Variants in LILRB5 observed in about 807,000 individuals in gnomAD.
LILRB5 encodes leukocyte immunoglobulin like receptor B5.
In LILRB5, 61 loss-of-function variants were observed where a neutral mutation model predicts 68.4. The ratio of observed to expected loss-of-function variants is 0.89; its 90% confidence interval spans 0.73 to 1.10. LILRB5 has a LOEUF of 1.10. Ranked by LOEUF, LILRB5 falls within the 50% of genes least tolerant of loss-of-function variation. LILRB5 has a pLI of 0.00. For missense variants in LILRB5, 771 were observed against 751.6 expected (o/e 1.03, Z -0.30); for synonymous variants, 356 against 315.8 (o/e 1.13, Z -1.35).
chr19:54,252,753 C>T, intron 9 of LILRB5, 118 bp downstream of exon 9: 1 of 1,102,154 alleles, frequency 9.1e-7, no homozygotes, highest in Non-Finnish European at 1.3e-6. Context: ...CGATTTTTCA[C>T]CTGGGAATTT....
chr19:54,255,400 A>G lies in LILRB5; in HGVS notation c.838T>C (p.Phe280Leu). 6.2e-7 allele frequency: 1 copy of G among 1,614,106 alleles called. No individual in the cohort carries two copies. Among genetic ancestry groups the G allele is most frequent in the Non-Finnish European group, 8.5e-7 (1 of 1,180,012 alleles). Residue 280 changes from phenylalanine to leucine, a missense_variant, in exon 5 of 13, where the codon TTC becomes CTC. Physicochemically the swap from Phe to Leu is conservative, Grantham distance 22. Coordinates refer to ENST00000449561, the MANE Select transcript of LILRB5 (RefSeq NM_001081442.3). ...GAGCGGCTCACAGGGCCCAGGGTGA[A>G]GTTGGCCTGGGAGAGCCCAGCCTGG... ...QPQAGLSQANFTLGPVSRSHG... is the reference protein window; with the variant it reads ...QPQAGLSQANLTLGPVSRSHG...
At chr19:54,256,893 G>A in intron 2 of LILRB5, 68 bp downstream of exon 2, 1 of 1,612,484 alleles carries the variant, frequency 6.2e-7, no homozygotes, top group Non-Finnish European at 8.5e-7. Flanking sequence ...TCCACCCCCA[G>A]CTGCCCGGGG....
chr19:54,257,088 T>G, intron 1 of LILRB5, 72 bp downstream of exon 1: 2 of 1,613,904 alleles, frequency 1.2e-6, no homozygotes, highest in African/African-American at 1.3e-5. Flanking sequence ...GATTCTCTGA[T>G]AGACCAGAGC....
In LILRB5 at chr19:54,255,560, G is replaced by A; in HGVS notation, c.678C>T (p.Leu226=). 6.2e-7 allele frequency: 1 copy of A among 1,613,644 alleles called. No homozygotes were observed. Among genetic ancestry groups the A allele is most frequent in the Non-Finnish European group, 8.5e-7 (1 of 1,179,686 alleles). ...LVPGVSRKPS[L]LIPQGSVVAR... Reference sequence around the variant, plus strand: ...CCACGACAGAGCCCTGCGGGATCAGGAGGGAGGGCTTCCTAGACACGCCTG... The same window carrying A: ...CCACGACAGAGCCCTGCGGGATCAGAAGGGAGGGCTTCCTAGACACGCCTG... The change falls in exon 5 of 13, where the codon CTC becomes CTT. Residue 226 remains leucine, a synonymous_variant. Transcript: ENST00000449561.
chr19:54,254,397 C>T lies in LILRB5; in HGVS notation c.1274G>A (p.Ser425Asn), dbSNP rs1401527501. 2 of 1,585,922 alleles carry T rather than the reference C, an allele frequency of 1.3e-6. No individual in the cohort carries two copies. Among genetic ancestry groups the T allele is most frequent in the Admixed American group, 3.6e-5 (2 of 55,650 alleles). The part of the protein sequence containing the change: ...LVVSGPSGDP[S>N]LSPTGSTPTP... Reference sequence around the variant, plus strand: ...GGGGGTGGAGCCTGTAGGTGAGAGGCTGGGATCCCCAGAGGGTCCTGGGAA... The same window carrying T: ...GGGGGTGGAGCCTGTAGGTGAGAGGTTGGGATCCCCAGAGGGTCCTGGGAA... Residue 425 changes from serine to asparagine, a missense_variant, in exon 7 of 13, where the codon AGC becomes AAC. Coordinates refer to ENST00000449561, the MANE Select transcript of LILRB5 (RefSeq NM_001081442.3).
Position 54,252,967 on chromosome 19 carries a change from C to T in LILRB5, c.1378G>A (p.Val460Ile), listed in dbSNP as rs750857229. Residue 460 changes from valine to isoleucine, a missense_variant, in exon 9 of 13, where the codon GTT becomes ATT. Val to Ile is a conservative substitution (Grantham distance 29). Transcript: ENST00000449561. ...PQSGLGRHLG[V>I]VTGVSVAFVL... is the part of the protein sequence containing the mutation. ...AAGGCCACTGAGACCCCAGTCACAA[C>T]CCCCAGGTGCCTTCCCAGACCTTGA... 1.9e-5 allele frequency: 30 copies of T among 1,558,172 alleles called. No individual in the cohort carries two copies. Among genetic ancestry groups the T allele is most frequent in the Middle Eastern group, 1.7e-4 (1 of 5,806 alleles).
At chr19:54,252,279 C>T (rs72087) in intron 11 of LILRB5, 87 bp downstream of exon 11, 936,232 of 1,494,904 alleles carry the variant, frequency 0.63, 300,795 homozygotes, top group Middle Eastern at 0.72. Flanking sequence ...CCCAGACCCC[C>T]CCCAGCCTGT....
At chr19:54,251,380 G>A (rs685390) in intron 12 of LILRB5, 35,589 of 614,276 alleles carry the variant, frequency 0.058, 2,538 homozygotes, top group Admixed American at 0.068. Context: ...GCAGCCTCAC[G>A]GGCCTTCCCG....
chr19:54,251,052 T>G (rs1468460143), intron 12 of LILRB5, 120 bp from the exon 13 acceptor site: 7 of 1,598,762 alleles, frequency 4.4e-6, no homozygotes, highest in Middle Eastern at 2.2e-4. Context: ...TGTCTGTCCT[T>G]TGTGTCCAGG....
rs141773560 is a variant in LILRB5, at chr19:54,255,684, C to T, written c.656-102G>A. The T allele has an allele frequency of 1.2e-4, 161 of 1,337,506 alleles. No homozygotes were observed. In the African/African-American group the frequency reaches 1.5e-3, roughly 13 times the overall value. The allele number at this position is 1,337,506 out of a possible 1,614,324, so 82.9% of individuals were successfully genotyped here. ...GCCCTGCAGGTCTCACTGTCTCTCA[C>T]GCTCTGTGTCTCGGATCCCGGGGCC... On this transcript the variant is annotated intron_variant, in intron 4 of 12. Coordinates refer to ENST00000449561, the MANE Select transcript of LILRB5 (RefSeq NM_001081442.3).
chr19:54,254,725 G>A lies in LILRB5; in HGVS notation c.1255+10C>T. 1 of 1,613,722 alleles carries A rather than the reference G, an allele frequency of 6.2e-7. No homozygotes were observed. Among genetic ancestry groups the A allele is most frequent in the African/African-American group, 1.3e-5 (1 of 75,030 alleles). Reference sequence around the variant, plus strand: ...TTTGAGCTTGGACAGGACAGGGTCAGGGCCCTCACCTGAGACCACGAGCTC... The same window carrying A: ...TTTGAGCTTGGACAGGACAGGGTCAAGGCCCTCACCTGAGACCACGAGCTC... On this transcript the variant is annotated intron_variant, in intron 6 of 12. Coordinates refer to ENST00000449561, the MANE Select transcript of LILRB5 (RefSeq NM_001081442.3).
Position 54,255,276 on chromosome 19 carries a change from G to A in LILRB5, c.952+10C>T, listed in dbSNP as rs570517439. The A allele has an allele frequency of 1.9e-6, 3 of 1,612,122 alleles. No homozygotes were observed. In the South Asian group the frequency reaches 3.3e-5, roughly 18 times the overall value. On this transcript the variant is annotated intron_variant, in intron 5 of 12. Coordinates refer to ENST00000449561, the MANE Select transcript of LILRB5 (RefSeq NM_001081442.3). Reference sequence around the variant, plus strand: ...CCTGGGTCCCTGACTGAACCCGCTGGGCTCCTCACCTGCGATCAGGATGTC... The same window carrying A: ...CCTGGGTCCCTGACTGAACCCGCTGAGCTCCTCACCTGCGATCAGGATGTC...
At chr19:54,253,023 C>A in intron 8 of LILRB5, 36 bp from the exon 9 acceptor site, 1 of 1,425,432 alleles carries the variant, frequency 7.0e-7, no homozygotes, top group Non-Finnish European at 9.5e-7. Context: ...GGGATGACGT[C>A]ATTGATGTGA....
At position 54,255,530 on chromosome 19, in the gene LILRB5, G is replaced by C. The variant is rs148108644; in HGVS notation, c.708C>G (p.Arg236=). The C allele has an allele frequency of 1.2e-6, 2 of 1,613,816 alleles. No homozygotes were observed. Among genetic ancestry groups the C allele is most frequent in the African/African-American group, 2.7e-5 (2 of 74,898 alleles). ...LLIPQGSVVA[R]GGSLTLQCRS... is the part of the protein sequence containing the mutation. ...GACACTGCAGGGTCAGGCTGCCTCC[G>C]CGGGCCACGACAGAGCCCTGCGGGA... is the stretch of plus-strand genomic sequence containing the variant. Residue 236 remains arginine, a synonymous_variant, in exon 5 of 13, where the codon CGC becomes CGG. Transcript: ENST00000449561.
At chr19:54,251,495 A>G in intron 12 of LILRB5, 1 of 534,238 alleles carries the variant, frequency 1.9e-6, no homozygotes, top group East Asian at 3.3e-5. Flanking sequence ...GGCTTCTCAG[A>G]TGACAGCTGA....
At position 54,254,993 on chromosome 19, in the gene LILRB5, T is replaced by C. The variant is rs575984397; in HGVS notation, c.997A>G (p.Lys333Glu). 6.2e-7 allele frequency: 1 copy of C among 1,611,380 alleles called. No individual in the cohort carries two copies. The highest frequency in any genetic ancestry group is 1.7e-5 in the Admixed American group (1 of 59,834). Reference protein sequence around the residue: ...IPALSVQPGPKVASGENVTLL... With the variant: ...IPALSVQPGPEVASGENVTLL... The stretch of plus-strand genomic sequence containing the variant: ...GTCACGTTCTCTCCTGAGGCCACCT[T>C]GGGGCCCGGCTGCACCGAGAGGGCG... The change falls in exon 6 of 13, where the codon AAG (lysine) becomes GAG (glutamate). Residue 333 changes from lysine (K) to glutamate (E), a missense_variant. Lys to Glu is a moderately conservative substitution (Grantham distance 56). Coordinates refer to ENST00000449561, the MANE Select transcript of LILRB5 (RefSeq NM_001081442.3).
rs1342885179 is a variant in LILRB5, at chr19:54,252,118, G to A, written c.1577-12C>T. ...CTTCACGGCAGCATCTGCTGGGCCAGAGCAAGGGGTTCATCTCCTGGGAAG... is the reference window on the plus strand; with the variant it reads ...CTTCACGGCAGCATCTGCTGGGCCAAAGCAAGGGGTTCATCTCCTGGGAAG... On this transcript the variant is annotated splice_polypyrimidine_tract_variant and intron_variant, in intron 11 of 12. Transcript: ENST00000449561. The A allele has an allele frequency of 1.1e-5, 18 of 1,613,996 alleles. No individual in the cohort carries two copies. The highest frequency in any genetic ancestry group is 1.3e-5 in the Non-Finnish European group (15 of 1,179,904).
rs11668189 is a variant in LILRB5 at position 54,250,239 on chromosome 19, C to A, written c.*547G>T. 42,890 of 153,174 alleles carry A rather than the reference C, an allele frequency of 0.28. 7,094 individuals carry two copies. Among genetic ancestry groups the A allele is most frequent in the Middle Eastern group, 0.41 (121 of 292 alleles). 9.5% of individuals were successfully genotyped at this position (153,174 alleles called of 1,614,324 possible). A position where few individuals can be genotyped will look rare whatever the true frequency, so the allele number is the denominator to read the frequency against. ...TGCCTGAACCCCGCTTTTTTCCTTG[C>A]TTATTGTGGCTAGGATTTGTGAATG... On this transcript the variant is annotated 3_prime_UTR_variant, in exon 13 of 13. Coordinates refer to ENST00000449561, the MANE Select transcript of LILRB5 (RefSeq NM_001081442.3).
In LILRB5 at chr19:54,255,164, C is replaced by T. The variant is rs894076502; in HGVS notation, c.952+122G>A. 68 of 1,256,264 alleles carry T rather than the reference C, an allele frequency of 5.4e-5. 1 individual carries two copies. In the African/African-American group the frequency reaches 7.7e-4, roughly 14 times the overall value. The allele number at this position is 1,256,264 out of a possible 1,614,324, so 77.8% of individuals were successfully genotyped here. A position where few individuals can be genotyped will look rare whatever the true frequency, so the allele number is the denominator to read the frequency against. On this transcript the variant is annotated intron_variant, in intron 5 of 12. Coordinates refer to ENST00000449561, the MANE Select transcript of LILRB5 (RefSeq NM_001081442.3). ...TCCCCTCCCCACCCATCCCCTGTCTCTGTCTGTCTCTCCCTCCCTTGGGAC... is the reference window on the plus strand; with the variant it reads ...TCCCCTCCCCACCCATCCCCTGTCTTTGTCTGTCTCTCCCTCCCTTGGGAC...
Sources: gnomAD v4.1 joint callset for allele counts on GRCh38, gnomAD v4.1.1 for gene constraint, MANE v1.5 for transcripts, NCBI Gene and HGNC (gene_info 2026-07-23, HGNC 2026-07-21) for gene names.